Variants in SPAG16 observed in about 807,000 individuals in gnomAD.
The protein encoded by SPAG16 is sperm-associated antigen 16 protein.
Under a neutral mutation model 80.4 loss-of-function variants are expected in SPAG16, and 86 were observed. The observed-to-expected ratio is 1.07, with a 90% CI of 0.90 to 1.28. The LOEUF (loss-of-function observed/expected upper bound fraction) is 1.28, where lower values mean the gene tolerates loss of function less well. Among genes scored for constraint, SPAG16 ranks in the 50% most tolerant of loss-of-function variants. SPAG16 has a pLI of 0.00. For synonymous variants in SPAG16, 294 were observed against 265.9 expected, an observed-to-expected ratio of 1.11 and a Z score of -1.03; for missense variants, 870 against 765.3, an observed-to-expected ratio of 1.14 and a Z score of -1.61.
chr2:213,670,076 C>A (rs1401036151), intron 10 of SPAG16, among the ~76,000 whole-genome samples: 5 of 151,778 alleles, frequency 3.3e-5, no homozygotes, highest in African/African-American at 4.9e-5. Flanking sequence ...CACCTCACTG[C>A]AAACTCTGCC....
chr2:214,200,638 A>T (rs1234821835), intron 15 of SPAG16, among the ~76,000 whole-genome samples: 1 of 152,090 alleles, frequency 6.6e-6, no homozygotes, highest in Non-Finnish European at 1.5e-5. Flanking sequence ...GCACCACTTC[A>T]CTCCTGCCTG....
rs1423784003 is a variant in SPAG16, at chr2:214,403,722, T to A, written c.1721-6418T>A. On this transcript the variant is annotated intron_variant, in intron 15 of 15. Transcript: ENST00000331683. ...GGTAGTGTGAAAGCTGCTACTATTA[T>A]CCACTGATATTGATTATATCTTCCT... 3.9e-5 allele frequency among the ~76,000 whole-genome samples: 6 copies of A among 152,218 alleles called. No individual in the cohort carries two copies. The South Asian group carries it at 8.3e-4, about 21-fold the overall frequency.
intron 10 of SPAG16, among the ~76,000 whole-genome samples, chr2:213,707,701 G>C (rs988472737): frequency 6.6e-6 from 1 of 152,036 alleles, no homozygotes; most frequent in Non-Finnish European, 1.5e-5. Flanking sequence ...ATGAATGAGA[G>C]ACTATCTTGA....
intron 9 of SPAG16, among the ~76,000 whole-genome samples, chr2:213,412,628 T>A (rs903540807): frequency 1.5e-4 from 23 of 149,178 alleles, no homozygotes; most frequent in South Asian, 2.1e-4. Context: ...TTGTTTATTT[T>A]TTTTTGTTTG....
intron 12 of SPAG16, among the ~76,000 whole-genome samples, chr2:213,949,331 G>T (rs2079631073): frequency 6.6e-6 from 1 of 151,666 alleles, no homozygotes; most frequent in African/African-American, 2.4e-5. Context: ...ACCACGCCCA[G>T]CTAATTTTTG....
chr2:213,340,882 C>A (rs1459394704), intron 6 of SPAG16, among the ~76,000 whole-genome samples: 4 of 152,096 alleles, frequency 2.6e-5, no homozygotes, highest in Non-Finnish European at 5.9e-5. Flanking sequence ...TTATATTTTG[C>A]TTGCTCTAAG....
chr2:214,269,927 A>G (rs2125890066), intron 15 of SPAG16, among the ~76,000 whole-genome samples: 1 of 151,416 alleles, frequency 6.6e-6, no homozygotes, highest in African/African-American at 2.4e-5. Context: ...GGCAAATGTT[A>G]TTTCCTGATC....
chr2:214,173,768 A>G (rs1357714354), intron 15 of SPAG16, among the ~76,000 whole-genome samples: 1 of 151,932 alleles, frequency 6.6e-6, no homozygotes, highest in Admixed American at 6.6e-5. Context: ...CAGAGACACA[A>G]CCAAAAAAGA....
chr2:214,220,073 ATTAAC>A (rs2125772889), intron 15 of SPAG16, among the ~76,000 whole-genome samples: 1 of 152,274 alleles, frequency 6.6e-6, no homozygotes, highest in African/African-American at 2.4e-5. Flanking sequence ...ATATCAACAT[ATTAAC>A]TTTAATAGAA....
At chr2:213,877,898 G>A (rs4458155) in intron 11 of SPAG16, among the ~76,000 whole-genome samples, 90,243 of 151,824 alleles carry the variant, frequency 0.59, 28,719 homozygotes, top group South Asian at 0.85. Context: ...GTTACATTCT[G>A]CAACCACACT....
intron 11 of SPAG16, among the ~76,000 whole-genome samples, chr2:213,902,344 G>A (rs983390897): frequency 2.0e-5 from 3 of 152,112 alleles, no homozygotes; most frequent in African/African-American, 7.2e-5. Flanking sequence ...CCTGAGACTG[G>A]GAAGAAAAAG....
chr2:213,749,468 G>C (rs2067984823), intron 10 of SPAG16, among the ~76,000 whole-genome samples: 1 of 152,136 alleles, frequency 6.6e-6, no homozygotes, highest in African/African-American at 2.4e-5. Flanking sequence ...GATCTTGTAA[G>C]GGTGACGTGA....
intron 10 of SPAG16, among the ~76,000 whole-genome samples, chr2:213,760,610 T>C (rs1424428389): frequency 6.6e-6 from 1 of 152,090 alleles, no homozygotes. Flanking sequence ...TTCTCAAGTG[T>C]ACATGGTACA....
At chr2:213,476,248 G>A (rs891606172) in intron 9 of SPAG16, among the ~76,000 whole-genome samples, 9 of 152,222 alleles carry the variant, frequency 5.9e-5, no homozygotes, top group Non-Finnish European at 1.5e-5. Flanking sequence ...AAGTTTTGGT[G>A]CAACACCTGA....
chr2:214,370,904 C>T (rs943411213), intron 15 of SPAG16, among the ~76,000 whole-genome samples: 1 of 152,188 alleles, frequency 6.6e-6, no homozygotes, highest in African/African-American at 2.4e-5. Flanking sequence ...CAAATGAAGT[C>T]ATACTTGGGC....
chr2:214,187,171 A>G (rs150767269), intron 15 of SPAG16, among the ~76,000 whole-genome samples: 1 of 152,182 alleles, frequency 6.6e-6, no homozygotes, highest in Non-Finnish European at 1.5e-5. Context: ...AAAAATAGTT[A>G]TACGTTAAGT....
intron 15 of SPAG16, among the ~76,000 whole-genome samples, chr2:214,408,213 T>G (rs1188051881): frequency 2.0e-5 from 3 of 152,220 alleles, no homozygotes; most frequent in African/African-American, 7.2e-5. Flanking sequence ...ATTTTTCTTT[T>G]TCTTTATGGA....
At chr2:213,355,897 TC>T (rs1171045194) in intron 7 of SPAG16, among the ~76,000 whole-genome samples, 7 of 152,240 alleles carry the variant, frequency 4.6e-5, no homozygotes, top group Admixed American at 1.3e-4. Flanking sequence ...ACTGCCAACT[TC>T]CAACTATGTT....
At chr2:214,385,867 C>CA (rs1214633822) in intron 15 of SPAG16, among the ~76,000 whole-genome samples, 3 of 151,872 alleles carry the variant, frequency 2.0e-5, no homozygotes, top group Non-Finnish European at 4.4e-5. Context: ...TGAACAACAA[C>CA]AAAAAAACTC....
Sources: allele counts gnomAD v4.1 joint callset (sites outside exome capture counted in the v4.1 genomes callset), GRCh38; gene constraint gnomAD v4.1.1; transcripts MANE v1.5; gene names NCBI Gene and HGNC (gene_info 2026-07-23, HGNC 2026-07-21).